Variants in ETV7 observed in about 807,000 individuals in gnomAD.
ETV7 encodes ETS variant transcription factor 7.
In ETV7, 43 loss-of-function variants were observed where a neutral mutation model predicts 39.1. The observed-to-expected ratio is 1.10, with a 90% confidence interval of 0.86 to 1.42. The LOEUF (loss-of-function observed/expected upper bound fraction) is 1.42. ETV7 is among the 40% of genes most tolerant of loss of function. The probability of loss-of-function intolerance (pLI) is 0.00; values close to 1 mark genes in which losing one functional copy is unlikely to be tolerated. For missense variants in ETV7, 432 were observed against 442.3 expected (o/e 0.98, Z 0.21); for synonymous variants, 196 against 176.6 (o/e 1.11, Z -0.87).
chr6:36,376,510 G>A (rs555543384), intron 2 of ETV7, among the ~76,000 whole-genome samples: 10 of 152,302 alleles, frequency 6.6e-5, no homozygotes, highest in East Asian at 3.9e-4. Context: ...AGGCGCGGTG[G>A]CTCATGCCTG....
Position 36,366,342 on chromosome 6 carries a change from C to T in ETV7, c.*303G>A, listed in dbSNP as rs1772714197. On this transcript the variant is annotated 3_prime_UTR_variant, in exon 8 of 8. Coordinates refer to ENST00000340181, the MANE Select transcript of ETV7 (RefSeq NM_016135.4). ...TTCATTCCCTTCATCTGGTAAATTC[C>T]ATTTACAGGGGTGGGGCTGGGTGCT... 8.4e-7 allele frequency: 1 copy of T among 1,185,042 alleles called. No individual in the cohort carries two copies. Among genetic ancestry groups the T allele is most frequent in the African/African-American group, 1.5e-5 (1 of 65,022 alleles). 73.4% of individuals were successfully genotyped at this position (1,185,042 alleles called of 1,614,324 possible). A position where few individuals can be genotyped will look rare whatever the true frequency, so the allele number is the denominator to read the frequency against.
intron 2 of ETV7, among the ~76,000 whole-genome samples, chr6:36,380,407 C>G (rs1773594341): frequency 6.6e-6 from 1 of 152,230 alleles, no homozygotes; most frequent in Non-Finnish European, 1.5e-5. Flanking sequence ...GGCCCAGTGG[C>G]CTGCTAACTG....
downstream of ETV7, among the ~76,000 whole-genome samples, chr6:36,363,724 G>T (rs1484518564): frequency 6.6e-6 from 1 of 152,114 alleles, no homozygotes; most frequent in African/African-American, 2.4e-5. Context: ...GGTGCTGATT[G>T]GTGCGTTTAC....
intron 3 of ETV7, among the ~76,000 whole-genome samples, chr6:36,375,108 T>G (rs892954188): frequency 6.7e-6 from 1 of 150,096 alleles, no homozygotes; most frequent in Admixed American, 6.6e-5. Flanking sequence ...GACATGAGAC[T>G]GGGCTGTATG....
At chr6:36,373,868 C>T (rs565404798) in intron 3 of ETV7, among the ~76,000 whole-genome samples, 44 of 152,322 alleles carry the variant, frequency 2.9e-4, no homozygotes, top group African/African-American at 1.0e-3. Flanking sequence ...TCTCAACCCT[C>T]GCACACACCC....
Position 36,371,385 on chromosome 6 carries a change from C to T in ETV7, c.609G>A (p.Gln203=), listed in dbSNP as rs1166469308. The T allele has an allele frequency of 1.9e-6, 3 of 1,601,998 alleles. No individual in the cohort carries two copies. Among genetic ancestry groups the T allele is most frequent in the Non-Finnish European group, 2.6e-6 (3 of 1,173,604 alleles). The change falls in exon 5 of 8, where the codon CAG becomes CAA. Residue 203 remains glutamine (Q), a synonymous_variant. Transcript: ENST00000340181. ...GCATCGCGGGGAAGGAACAGACCCC[C>T]TGGGTCCTGCAGCCGAGCTCTGCAC... The part of the protein sequence containing the change: ...CHCAELGCRT[Q]GVCSFPAMPQ...
intron 1 of ETV7, 152 bp downstream of exon 1, chr6:36,387,384 A>T (rs1773965796): frequency 7.1e-6 from 8 of 1,119,362 alleles, no homozygotes; most frequent in Non-Finnish European, 9.4e-6. Context: ...TGAGTGAGGG[A>T]TGGATGTGAG....
At chr6:36,379,524 G>A (rs1457918362) in intron 2 of ETV7, among the ~76,000 whole-genome samples, 1 of 150,952 alleles carries the variant, frequency 6.6e-6, no homozygotes, top group Admixed American at 6.6e-5. Context: ...CTCCAGCCTG[G>A]GCAACAGAGT....
intron 2 of ETV7, among the ~76,000 whole-genome samples, chr6:36,376,942 G>A (rs914762056): frequency 6.6e-6 from 1 of 152,132 alleles, no homozygotes; most frequent in Non-Finnish European, 1.5e-5. Flanking sequence ...TTGGAATCAG[G>A]TTTGCTCAGG....
rs936062535 is a variant in ETV7 at position 36,373,674 on chromosome 6, T to C, written c.308-96A>G. On this transcript the variant is annotated intron_variant, in intron 3 of 7. Transcript: ENST00000340181. ...CAGCCACCTGCCTCAGGGCAAGGGC[T>C]GGCATGTCTTGTCACAGCTTCATGC... is the stretch of plus-strand genomic sequence containing the variant. 1.7e-5 allele frequency: 23 copies of C among 1,375,560 alleles called. No homozygotes were observed. The African/African-American group carries it at 3.5e-4, about 21-fold the overall frequency. 85.2% of individuals were successfully genotyped at this position (1,375,560 alleles called of 1,614,324 possible). A position where few individuals can be genotyped will look rare whatever the true frequency, so the allele number is the denominator to read the frequency against.
Position 36,375,866 on chromosome 6 carries a change from C to G in ETV7, c.307+5G>C, listed in dbSNP as rs1773303831. The G allele has an allele frequency of 6.2e-7, 1 of 1,613,874 alleles. No individual in the cohort carries two copies. Among genetic ancestry groups the G allele is most frequent in the Non-Finnish European group, 8.5e-7 (1 of 1,180,036 alleles). ...CTTAGAGGAAAGCCTGTGCGTTTCC[C>G]TGACCTGAGCTGGGCGCACGGTGCC... is the stretch of plus-strand genomic sequence containing the variant. On this transcript the variant is annotated splice_donor_5th_base_variant and intron_variant, in intron 3 of 7. Coordinates refer to ENST00000340181, the MANE Select transcript of ETV7 (RefSeq NM_016135.4).
intron 6 of ETV7, among the ~76,000 whole-genome samples, chr6:36,367,501 G>A (rs148195302): frequency 3.9e-5 from 6 of 151,980 alleles, no homozygotes; most frequent in Non-Finnish European, 7.4e-5. Flanking sequence ...GGAAGGAAAT[G>A]ATGGAAAGGT....
chr6:36,369,023 C>T lies in ETV7; in HGVS notation c.713G>A (p.Arg238Gln), dbSNP rs1254929593. ...DYVYQLLLDT[R>Q]YEPYIKWEDK... ...TTCCCACTTGATGTAGGGCTCATATCGGGTATCAAGGAGCAGCTGATACAC... is the reference window on the plus strand; with the variant it reads ...TTCCCACTTGATGTAGGGCTCATATTGGGTATCAAGGAGCAGCTGATACAC... The change falls in exon 6 of 8, where the codon CGA becomes CAA. Residue 238 changes from arginine (R) to glutamine (Q), a missense_variant. By Grantham distance (43) the Arg-to-Gln change is conservative (BLOSUM62 1). Coordinates refer to ENST00000340181, the MANE Select transcript of ETV7 (RefSeq NM_016135.4). The T allele has an allele frequency of 7.4e-6, 12 of 1,614,014 alleles. No homozygotes were observed. Among genetic ancestry groups the T allele is most frequent in the Middle Eastern group, 1.6e-4 (1 of 6,084 alleles).
At chr6:36,383,377 A>C (rs1773745454) in intron 2 of ETV7, among the ~76,000 whole-genome samples, 1 of 152,176 alleles carries the variant, frequency 6.6e-6, no homozygotes, top group Non-Finnish European at 1.5e-5. Flanking sequence ...CCACTGCTTT[A>C]CTACACATCT....
intron 7 of ETV7, among the ~76,000 whole-genome samples, chr6:36,356,340 C>CAAAAAAAAAAA (rs979143117): frequency 1.6e-5 from 2 of 128,288 alleles, no homozygotes; most frequent in Non-Finnish European, 1.6e-5. Context: ...AAAAAAAAAA[C>CAAAAAAAAAAA]AAAAAAAAAC....
chr6:36,362,946 A>C (rs1372425154), downstream of ETV7, among the ~76,000 whole-genome samples: 1 of 152,228 alleles, frequency 6.6e-6, no homozygotes, highest in Non-Finnish European at 1.5e-5. Context: ...TCTTGGACCC[A>C]ACCACAATGC....
downstream of ETV7, among the ~76,000 whole-genome samples, chr6:36,362,566 C>G (rs1185935554): frequency 1.3e-5 from 2 of 152,312 alleles, no homozygotes; most frequent in East Asian, 1.9e-4. Context: ...AATGCCTCAC[C>G]TGGTGCCCGG....
In ETV7 at chr6:36,371,624, T is replaced by C. The variant is rs73406989; in HGVS notation, c.434-64A>G. On this transcript the variant is annotated intron_variant, in intron 4 of 7. Transcript: ENST00000340181. Reference sequence around the variant, plus strand: ...CCCCAAGCCTCCCCAACTCAATCCCTCAATGGTGAGCCTGGGAGCCCTGTG... The same window carrying C: ...CCCCAAGCCTCCCCAACTCAATCCCCCAATGGTGAGCCTGGGAGCCCTGTG... 2.7e-4 allele frequency: 376 copies of C among 1,379,648 alleles called. No homozygotes were observed. The African/African-American group carries it at 4.1e-3, about 15-fold the overall frequency. The allele number at this position is 1,379,648 out of a possible 1,614,324, so 85.5% of individuals were successfully genotyped here.
At chr6:36,354,699 A>T (rs1446387187) in intron 7 of ETV7, 3 of 696,284 alleles carry the variant, frequency 4.3e-6, no homozygotes, top group Non-Finnish European at 7.8e-6. Context: ...TGCAATAAAA[A>T]AAAAAAGCAG....
Sources: allele counts gnomAD v4.1 joint callset (sites outside exome capture counted in the v4.1 genomes callset), GRCh38; gene constraint gnomAD v4.1.1; transcripts MANE v1.5; gene names NCBI Gene and HGNC (gene_info 2026-07-23, HGNC 2026-07-21).